Variants in CRYBG3 observed in about 807,000 individuals in gnomAD.
CRYBG3 encodes crystallin beta-gamma domain containing 3, also known as very large A-kinase anchor protein.
In CRYBG3, 127 loss-of-function variants were observed where a neutral mutation model predicts 244.2. That is an observed-to-expected ratio of 0.52 (90% CI 0.45 to 0.60). CRYBG3 has a LOEUF of 0.60. Among genes scored for constraint, CRYBG3 ranks in the 20% least tolerant of loss-of-function variants. CRYBG3 has a pLI of 0.00. For missense variants in CRYBG3, 3,325 were observed against 3,442.5 expected (o/e 0.97, Z 0.85); for synonymous variants, 1,132 against 1,195.8 (o/e 0.95, Z 1.10).
intron 17 of CRYBG3, 45 bp downstream of exon 17, chr3:97,915,781 T>C: frequency 1.4e-6 from 2 of 1,460,680 alleles, no homozygotes; most frequent in Non-Finnish European, 1.9e-6. Flanking sequence ...CTTTTTCTTG[T>C]CCAGTTTAAT....
At chr3:97,844,605 T>G (rs1024556497) in intron 2 of CRYBG3, among the ~76,000 whole-genome samples, 3 of 152,176 alleles carry the variant, frequency 2.0e-5, no homozygotes, top group Non-Finnish European at 4.4e-5. Flanking sequence ...TCTTTCCCCA[T>G]TTAGCCTATA....
intron 7 of CRYBG3, among the ~76,000 whole-genome samples, chr3:97,882,331 A>G (rs1177575604): frequency 6.6e-6 from 1 of 151,996 alleles, no homozygotes; most frequent in East Asian, 1.9e-4. Context: ...ATTTCCAGAT[A>G]TATCTTTTTC....
chr3:97,905,514 A>ATG (rs1403255088), intron 15 of CRYBG3, among the ~76,000 whole-genome samples: 1 of 151,966 alleles, frequency 6.6e-6, no homozygotes, highest in Non-Finnish European at 1.5e-5. Context: ...GCATTTTTTC[A>ATG]TGTGTGTTTT....
chr3:97,923,250 A>G (rs1256796778), intron 17 of CRYBG3, among the ~76,000 whole-genome samples: 4 of 152,108 alleles, frequency 2.6e-5, no homozygotes, highest in Non-Finnish European at 5.9e-5. Context: ...TGACAAGTTA[A>G]TGGGTGCAGC....
chr3:97,886,781 C>T lies in CRYBG3; in HGVS notation c.7289+14C>T, dbSNP rs754227089. ...GAAGTCAGGAGTGTACGTATCAGTT[C>T]CTTTTTATTATAGTGATTGATGGCC... On this transcript the variant is annotated intron_variant, in intron 8 of 21. Transcript: ENST00000389622. 8 of 1,549,818 alleles carry T rather than the reference C, an allele frequency of 5.2e-6. No homozygotes were observed. The African/African-American group carries it at 7.0e-5, about 14-fold the overall frequency.
At chr3:97,924,162 C>G in intron 17 of CRYBG3, 1 of 312,844 alleles carries the variant, frequency 3.2e-6, no homozygotes, top group Non-Finnish European at 6.1e-6. Flanking sequence ...TGGAAGATAA[C>G]AGCATTCCAA....
In CRYBG3 at chr3:97,869,007, GA is replaced by G. The variant is rs35129956; in HGVS notation, c.648-2824del. Among the ~76,000 whole-genome samples the G allele has an allele frequency of 2.6e-3, 375 of 144,360 alleles. 3 individuals are homozygous for G. Among genetic ancestry groups the G allele is most frequent in the African/African-American group, 7.7e-3 (307 of 39,758 alleles). 94.7% of individuals were successfully genotyped at this position (144,360 alleles called of 152,430 possible). On this transcript the variant is annotated intron_variant, in intron 3 of 21. Transcript: ENST00000389622. Reference sequence around the variant, plus strand: ...TTTAGGTATGAAATGTTAAAACTTTGAAAAAAAAAAACCTGTCATTTTTTCA... The same window carrying G: ...TTTAGGTATGAAATGTTAAAACTTTGAAAAAAAAAACCTGTCATTTTTTCA...
intron 17 of CRYBG3, chr3:97,924,156 A>G: frequency 3.2e-6 from 1 of 312,206 alleles, no homozygotes; most frequent in Non-Finnish European, 6.1e-6. Flanking sequence ...GGAATTTGGA[A>G]GATAACAGCA....
chr3:97,911,983 A>G (rs1009891243), intron 15 of CRYBG3, among the ~76,000 whole-genome samples, 184 bp from the exon 16 acceptor site: 1 of 152,222 alleles, frequency 6.6e-6, no homozygotes, highest in Non-Finnish European at 1.5e-5. Context: ...TCCTGAATAC[A>G]TGTAAGAAAG....
At chr3:97,878,117 AGTC>A in intron 4 of CRYBG3, 80 bp downstream of exon 4, 1 of 1,342,052 alleles carries the variant, frequency 7.5e-7, no homozygotes, top group African/African-American at 1.5e-5. Context: ...TATTAAGAAA[AGTC>A]AATGTTTTGG....
chr3:97,928,413 G>A (rs1165238141), intron 17 of CRYBG3, among the ~76,000 whole-genome samples: 1 of 151,986 alleles, frequency 6.6e-6, no homozygotes, highest in Non-Finnish European at 1.5e-5. Context: ...TGAGCAGAGA[G>A]GGTGGGAGGA....
chr3:97,922,598 C>G (rs1400357603), intron 17 of CRYBG3, among the ~76,000 whole-genome samples: 1 of 152,154 alleles, frequency 6.6e-6, no homozygotes, highest in African/African-American at 2.4e-5. Context: ...TGCTCATCAT[C>G]ACTGGCCATC....
intron 2 of CRYBG3, among the ~76,000 whole-genome samples, chr3:97,850,896 C>A (rs1270507510): frequency 2.0e-5 from 3 of 152,100 alleles, no homozygotes; most frequent in Non-Finnish European, 4.4e-5. Flanking sequence ...CTTTGGGAGG[C>A]TGAGGCGGGT....
At chr3:97,911,758 T>G (rs1221631666) in intron 15 of CRYBG3, among the ~76,000 whole-genome samples, 1 of 152,230 alleles carries the variant, frequency 6.6e-6, no homozygotes, top group Non-Finnish European at 1.5e-5. Flanking sequence ...CATACTAATC[T>G]AAGCCTCTTT....
chr3:97,872,190 T>G lies in CRYBG3; in HGVS notation c.996T>G (p.Leu332=). 1 of 1,535,748 alleles carries G rather than the reference T, an allele frequency of 6.5e-7. No homozygotes were observed. Among genetic ancestry groups the G allele is most frequent in the East Asian group, 2.4e-5 (1 of 40,922 alleles). ...AGAATATTGCCTCTTCCAATAATCT[T>G]TTAAATAAAAATGCTTGGGGGAGTA... is the stretch of plus-strand genomic sequence containing the variant. ...ELQNIASSNN[L]LNKNAWGSIE... Residue 332 remains leucine (L), a synonymous_variant, in exon 4 of 22, where the codon CTT becomes CTG. Transcript: ENST00000389622.
intron 11 of CRYBG3, 152 bp downstream of exon 11, chr3:97,893,145 G>C: frequency 1.5e-6 from 1 of 659,936 alleles, no homozygotes; most frequent in South Asian, 2.1e-5. Flanking sequence ...GTTACTTATG[G>C]TTTTCTGTGG....
intron 11 of CRYBG3, among the ~76,000 whole-genome samples, chr3:97,893,381 T>TA (rs965574504): frequency 1.3e-5 from 2 of 152,208 alleles, no homozygotes; most frequent in African/African-American, 4.8e-5. Context: ...CTTCCCTTGT[T>TA]AAAAAAGGAT....
intron 2 of CRYBG3, among the ~76,000 whole-genome samples, chr3:97,846,474 T>C (rs1161679219): frequency 6.6e-6 from 1 of 152,226 alleles, no homozygotes; most frequent in Non-Finnish European, 1.5e-5. Context: ...CATTTCCCTG[T>C]GGATGTTCCT....
At position 97,864,657 on chromosome 3, in the gene CRYBG3, A is replaced by C. The variant is rs887958249; in HGVS notation, c.647+10A>C. Reference sequence around the variant, plus strand: ...CCACTAATTTGCTAAAGTAAGTTTAAAATTTCATTGAACCAAAAAAAATTG... The same window carrying C: ...CCACTAATTTGCTAAAGTAAGTTTACAATTTCATTGAACCAAAAAAAATTG... On this transcript the variant is annotated intron_variant, in intron 3 of 21. Transcript: ENST00000389622. 6.7e-7 allele frequency: 1 copy of C among 1,497,574 alleles called. No individual in the cohort carries two copies. The highest frequency in any genetic ancestry group is 1.4e-5 in the African/African-American group (1 of 71,110). The allele number at this position is 1,497,574 out of a possible 1,614,324, so 92.8% of individuals were successfully genotyped here. A position where few individuals can be genotyped will look rare whatever the true frequency, so the allele number is the denominator to read the frequency against.
Sources: gnomAD v4.1 joint callset for allele counts (sites outside exome capture counted in the v4.1 genomes callset) on GRCh38, gnomAD v4.1.1 for gene constraint, MANE v1.5 for transcripts, NCBI Gene and HGNC (gene_info 2026-07-23, HGNC 2026-07-21) for gene names.